The following SPATA6L variants were observed in gnomAD, a reference collection of about 807,000 sequenced individuals.
SPATA6L encodes spermatogenesis associated 6 like.
SPATA6L carries 68 observed loss-of-function variants against 49.2 expected under a neutral mutation model. The ratio of observed to expected loss-of-function variants is 1.38; its 90% confidence interval spans 1.14 to 1.69. The LOEUF (loss-of-function observed/expected upper bound fraction) is 1.69. Among genes scored for constraint, SPATA6L ranks in the 40% most tolerant of loss-of-function variants. The pLI, the probability that SPATA6L is intolerant of heterozygous loss-of-function variation, is 0.00. For synonymous variants in SPATA6L, 198 were observed against 165.7 expected (o/e 1.19, Z -1.50); for missense variants, 668 against 464.3 (o/e 1.44, Z -4.03).
At chr9:4,641,825 T>C (rs1587348627) in intron 3 of SPATA6L, among the ~76,000 whole-genome samples, 1 of 152,230 alleles carries the variant, frequency 6.6e-6, no homozygotes, top group Non-Finnish European at 1.5e-5. Context: ...CAAGCTGGAG[T>C]GCAGTGGCAA....
At chr9:4,646,370 A>G (rs1022538151) in intron 3 of SPATA6L, 1 of 582,754 alleles carries the variant, frequency 1.7e-6, no homozygotes, top group Non-Finnish European at 2.8e-6. Flanking sequence ...TTACAGACAC[A>G]TAAAGTTGTA....
chr9:4,662,304 C>CG lies in SPATA6L; in HGVS notation c.40-269dup. On this transcript the variant is annotated intron_variant, in intron 1 of 11. Transcript: ENST00000682582. This position sits in a 1 kb window ranked among gnomAD's most constrained non-coding sequence, Gnocchi z 4.9. ...CCCCTCCGGGATGGTAGTGCGGAAG[C>CG]GGAAGAGGCTGCAGGGCCGGGAAGC... 1 of 1,435,394 alleles carries CG rather than the reference C, an allele frequency of 7.0e-7. No homozygotes were observed. Among genetic ancestry groups the CG allele is most frequent in the Non-Finnish European group, 9.1e-7 (1 of 1,100,044 alleles). 88.9% of individuals were successfully genotyped at this position (1,435,394 alleles called of 1,614,324 possible).
intron 3 of SPATA6L, among the ~76,000 whole-genome samples, chr9:4,647,737 G>C (rs1432794718): frequency 6.6e-6 from 1 of 151,518 alleles, no homozygotes; most frequent in African/African-American, 2.4e-5. Context: ...AGATCTTTAA[G>C]ATAACTTAAA....
chr9:4,595,577 T>C (rs564289382), downstream of SPATA6L, among the ~76,000 whole-genome samples: 72 of 152,290 alleles, frequency 4.7e-4, no homozygotes, highest in African/African-American at 1.6e-3. Flanking sequence ...CATTTCCTCT[T>C]CTCTATATAC....
intron 9 of SPATA6L, among the ~76,000 whole-genome samples, chr9:4,614,579 C>G (rs1236905696): frequency 6.6e-6 from 1 of 152,186 alleles, no homozygotes; most frequent in Non-Finnish European, 1.5e-5. Context: ...GGGCACATCC[C>G]TCATTCAAAA....
chr9:4,605,963 G>T (rs942918457), intron 9 of SPATA6L, among the ~76,000 whole-genome samples: 2 of 152,176 alleles, frequency 1.3e-5, no homozygotes, highest in African/African-American at 2.4e-5. Context: ...CGCACCGTGC[G>T]CGAGCCGAAG....
At chr9:4,605,911 C>T (rs1479416223) in intron 9 of SPATA6L, among the ~76,000 whole-genome samples, 1 of 152,220 alleles carries the variant, frequency 6.6e-6, no homozygotes, top group Non-Finnish European at 1.5e-5. Flanking sequence ...GGGTTCATCT[C>T]ACTAGGGAGT....
At chr9:4,591,216 C>T (rs1821881188) in intron 13 of SPATA6L, among the ~76,000 whole-genome samples, 1 of 152,132 alleles carries the variant, frequency 6.6e-6, no homozygotes, top group Admixed American at 6.6e-5. Context: ...TCACAAAGAG[C>T]TCAAGGCATG....
At chr9:4,618,261 G>A in intron 8 of SPATA6L, 151 bp from the exon 9 acceptor site, 1 of 602,212 alleles carries the variant, frequency 1.7e-6, no homozygotes, top group Non-Finnish European at 2.8e-6. Flanking sequence ...AGGATCTGGA[G>A]AAGAGAAGAC....
At chr9:4,660,815 A>G (rs1839484444) in intron 2 of SPATA6L, among the ~76,000 whole-genome samples, 1 of 152,250 alleles carries the variant, frequency 6.6e-6, no homozygotes, top group African/African-American at 2.4e-5. Context: ...GATTAAGAAA[A>G]TGTGGCACAT....
chr9:4,658,962 A>C (rs1242135131), intron 2 of SPATA6L, among the ~76,000 whole-genome samples: 9 of 151,990 alleles, frequency 5.9e-5, no homozygotes, highest in Non-Finnish European at 8.8e-5. Flanking sequence ...AAAAAAAAAA[A>C]AAAAAAGGCT....
chr9:4,604,032 G>C (rs1824062279), intron 11 of SPATA6L, 147 bp downstream of exon 11: 1 of 559,734 alleles, frequency 1.8e-6, no homozygotes, highest in South Asian at 2.4e-5. Context: ...TACAGAGCAA[G>C]GGAAGAACGC....
At position 4,599,552 on chromosome 9, in the gene SPATA6L, A is replaced by C. The variant is rs1431864993; in HGVS notation, c.*1259T>G. Among the ~76,000 whole-genome samples the C allele has an allele frequency of 6.6e-6, 1 of 152,218 alleles. No individual in the cohort carries two copies. On this transcript the variant is annotated 3_prime_UTR_variant, in exon 12 of 12. Coordinates refer to ENST00000682582, the MANE Select transcript of SPATA6L (RefSeq NM_001353486.2). ...AAATGTCATAAACTGGGTAGCTTAC[A>C]AACTACAGGAATTCATTTCTCACAG...
At chr9:4,606,688 T>TG (rs1285438538) in intron 9 of SPATA6L, among the ~76,000 whole-genome samples, 1 of 127,068 alleles carries the variant, frequency 7.9e-6, no homozygotes. Flanking sequence ...ACCACAAAGA[T>TG]GGGGAAAAAA....
At chr9:4,605,285 T>C in intron 10 of SPATA6L, 62 bp downstream of exon 10, 1 of 1,282,260 alleles carries the variant, frequency 7.8e-7, no homozygotes, top group South Asian at 1.2e-5. Context: ...CCGACTAGAC[T>C]GTAGGTCCCT....
At chr9:4,606,284 G>T (rs1432410340) in intron 9 of SPATA6L, among the ~76,000 whole-genome samples, 1 of 144,194 alleles carries the variant, frequency 6.9e-6, no homozygotes, top group Non-Finnish European at 1.5e-5. Flanking sequence ...CTCCAACTGG[G>T]TGGAGCCCAC....
intron 2 of SPATA6L, among the ~76,000 whole-genome samples, chr9:4,660,322 A>C (rs754507097): frequency 6.6e-6 from 1 of 152,244 alleles, no homozygotes; most frequent in Non-Finnish European, 1.5e-5. Context: ...AAAGAACTTA[A>C]ACAAATTTAC....
At chr9:4,651,917 T>C (rs1415021878) in intron 3 of SPATA6L, among the ~76,000 whole-genome samples, 1 of 152,216 alleles carries the variant, frequency 6.6e-6, no homozygotes, top group Admixed American at 6.5e-5. Flanking sequence ...TTTCACGGCT[T>C]CTATTCAATA....
chr9:4,628,867 C>G, intron 5 of SPATA6L: 2 of 449,380 alleles, frequency 4.5e-6, no homozygotes, highest in Non-Finnish European at 7.8e-6. Flanking sequence ...AATCACCCTG[C>G]TTCCAGCTAC....
Sources: allele counts gnomAD v4.1 joint callset (sites outside exome capture counted in the v4.1 genomes callset), GRCh38; gene constraint gnomAD v4.1.1; non-coding constraint Gnocchi (gnomAD v3.1); transcripts MANE v1.5; gene names NCBI Gene and HGNC (gene_info 2026-07-23, HGNC 2026-07-21).